Variants in ADAM10 observed in about 807,000 individuals in gnomAD.
ADAM10 encodes the protein ADAM metallopeptidase domain 10.
A neutral mutation model predicts 90.1 loss-of-function variants in ADAM10; 17 were observed. That is an observed-to-expected ratio of 0.19 (90% CI 0.13 to 0.28). The LOEUF is 0.28. Among genes scored for constraint, ADAM10 ranks in the 10% least tolerant of loss-of-function variants. The probability of loss-of-function intolerance (pLI) is 1.00; values close to 1 mark genes in which losing one functional copy is unlikely to be tolerated. For missense variants in ADAM10, 610 were observed against 914.3 expected, an observed-to-expected ratio of 0.67 and a Z score of 4.29; for synonymous variants, 310 against 298.6, an observed-to-expected ratio of 1.04 and a Z score of -0.40.
intron 9 of ADAM10, among the ~76,000 whole-genome samples, chr15:58,632,825 C>A (rs1241210569): frequency 6.6e-6 from 1 of 152,120 alleles, no homozygotes; most frequent in African/African-American, 2.4e-5. Context: ...AAAAGAATTT[C>A]TCACAATTTG....
intron 2 of ADAM10, among the ~76,000 whole-genome samples, chr15:58,700,142 T>C (rs1392387310): frequency 1.3e-5 from 2 of 152,176 alleles, no homozygotes; most frequent in African/African-American, 4.8e-5. Flanking sequence ...AATACCATAA[T>C]AGTTGGTAGA....
chr15:58,685,455 T>TC (rs1201737038), intron 2 of ADAM10, among the ~76,000 whole-genome samples: 1 of 147,668 alleles, frequency 6.8e-6, no homozygotes, highest in African/African-American at 2.5e-5. Context: ...AGAACAACAC[T>TC]CCATCTCCAA....
chr15:58,729,974 C>CAAAA (rs57057137), intron 1 of ADAM10, among the ~76,000 whole-genome samples: 2 of 134,916 alleles, frequency 1.5e-5, no homozygotes, highest in Admixed American at 1.5e-4. Flanking sequence ...AAAACAAAAA[C>CAAAA]AAAAACAAAA....
chr15:58,632,205 T>C (rs1025468078), intron 9 of ADAM10, among the ~76,000 whole-genome samples: 5 of 152,204 alleles, frequency 3.3e-5, no homozygotes, highest in Non-Finnish European at 7.4e-5. Flanking sequence ...TAAGGTCACT[T>C]AAAAGATCAA....
At chr15:58,742,696 G>C (rs1899654572) in intron 1 of ADAM10, among the ~76,000 whole-genome samples, 1 of 152,128 alleles carries the variant, frequency 6.6e-6, no homozygotes, top group Admixed American at 6.5e-5. Context: ...TTTTCCACTT[G>C]TCCTTAACAT....
chr15:58,631,130 G>A (rs1420051154), intron 9 of ADAM10, among the ~76,000 whole-genome samples: 4 of 152,102 alleles, frequency 2.6e-5, no homozygotes, highest in East Asian at 3.9e-4. Context: ...CATCATAAGT[G>A]GAAGCAGCCT....
chr15:58,695,343 A>G (rs1312301495), intron 2 of ADAM10, among the ~76,000 whole-genome samples: 1 of 152,214 alleles, frequency 6.6e-6, no homozygotes, highest in African/African-American at 2.4e-5. Context: ...TCCTGCCTCA[A>G]CTTTTGCTGC....
At chr15:58,647,246 G>GCATTTTTTTTTTTTTT (rs1896569038) in intron 5 of ADAM10, among the ~76,000 whole-genome samples, 2 of 36,828 alleles carry the variant, frequency 5.4e-5, no homozygotes, top group African/African-American at 7.4e-5. Flanking sequence ...TAGACACTAA[G>GCATTTTTTTTTTTTTT]TATTTTTTTT....
Position 58,749,578 on chromosome 15 carries a change from C to G in ADAM10, c.-44G>C. 2 of 1,549,410 alleles carry G rather than the reference C, an allele frequency of 1.3e-6. No homozygotes were observed. The highest frequency in any genetic ancestry group is 1.7e-6 in the Non-Finnish European group (2 of 1,145,902). On this transcript the variant is annotated 5_prime_UTR_variant, in exon 1 of 16. Transcript: ENST00000260408. The stretch of plus-strand genomic sequence containing the variant: ...CCGCCGCCGCCTCCTCACGGGTTAA[C>G]AGCAGCACATCGATCCGGAGGGAGA...
chr15:58,619,068 G>A (rs1314972402), intron 11 of ADAM10, among the ~76,000 whole-genome samples: 1 of 152,024 alleles, frequency 6.6e-6, no homozygotes. Context: ...GTATCACTAT[G>A]CACAATAGCC....
rs761399222 is a variant in ADAM10, at chr15:58,597,568, T to C, written c.2226A>G (p.Gln742=). 9.9e-6 allele frequency: 16 copies of C among 1,614,118 alleles called. No homozygotes were observed. The highest frequency in any genetic ancestry group is 1.3e-5 in the Non-Finnish European group (15 of 1,180,012). ...GCAGTTAGCGTCTCATGTGTCCCAT[T>C]TGATAACTCTCTCGGGGCCGCTGAC... The part of the protein sequence containing the change: ...PQRQRPRESY[Q]MGHMRR The change falls in exon 16 of 16, where the codon CAA becomes CAG. Residue 742 remains glutamine (Q), a synonymous_variant. Transcript: ENST00000260408.
chr15:58,647,248 A>ATATTTTTTTTTTTT (rs1896571611), intron 5 of ADAM10, among the ~76,000 whole-genome samples: 1 of 59,602 alleles, frequency 1.7e-5, no homozygotes, highest in Non-Finnish European at 3.6e-5. Context: ...GACACTAAGT[A>ATATTTTTTTTTTTT]TTTTTTTTTT....
chr15:58,691,637 T>C, intron 2 of ADAM10: 1 of 417,040 alleles, frequency 2.4e-6, no homozygotes, highest in South Asian at 1.8e-5. Context: ...CCTTGTCTTC[T>C]GCCAGCCCAG....
rs1371440654 is a variant in ADAM10 at position 58,597,213 on chromosome 15, G to A, written c.*334C>T. On this transcript the variant is annotated 3_prime_UTR_variant, in exon 16 of 16. Transcript: ENST00000260408. ...TTTCAATTTGTGGTAAAAGTTTATT[G>A]AGAGCCAAGTTTGCCTGCAAGTGAA... 3 of 675,824 alleles carry A rather than the reference G, an allele frequency of 4.4e-6. No individual in the cohort carries two copies. Among genetic ancestry groups the A allele is most frequent in the Non-Finnish European group, 7.3e-6 (3 of 413,158 alleles). 41.9% of individuals were successfully genotyped at this position (675,824 alleles called of 1,614,324 possible).
At chr15:58,657,719 G>C (rs562251402) in intron 5 of ADAM10, among the ~76,000 whole-genome samples, 2 of 152,126 alleles carry the variant, frequency 1.3e-5, no homozygotes, top group African/African-American at 2.4e-5. Flanking sequence ...TAGTTTCTTT[G>C]GTGAAGTCAT....
chr15:58,729,968 C>CA lies in ADAM10; in HGVS notation c.56-12242dup, dbSNP rs1359877841. Among the ~76,000 whole-genome samples, 92 of 134,040 alleles carry CA rather than the reference C, an allele frequency of 6.9e-4. 1 individual carries two copies. Among genetic ancestry groups the CA allele is most frequent in the Middle Eastern group, 3.6e-3 (1 of 278 alleles). 87.9% of individuals were successfully genotyped at this position (134,040 alleles called of 152,430 possible). ...CAGAACGAGGCTCTGTAAAAAAAAA[C>CA]AAAAACAAAAACAAAAACAAAACAA... On this transcript the variant is annotated intron_variant, in intron 1 of 15. Transcript: ENST00000260408.
chr15:58,725,027 C>T (rs1380448043), intron 1 of ADAM10, among the ~76,000 whole-genome samples: 1 of 151,716 alleles, frequency 6.6e-6, no homozygotes, highest in African/African-American at 2.4e-5. Flanking sequence ...CCTGTCTCTA[C>T]TAAATATAAA....
In ADAM10 at chr15:58,655,702, A is replaced by AC. The variant is rs1566982277; in HGVS notation, c.585+9394_585+9395insG. On this transcript the variant is annotated intron_variant, in intron 5 of 15. Coordinates refer to ENST00000260408, the MANE Select transcript of ADAM10 (RefSeq NM_001110.4). ...CATATATATATTATATATAGTATAT[A>AC]TATATATAGTATATATATATATATA... Among the ~76,000 whole-genome samples, 8 of 53,806 alleles carry AC rather than the reference A, an allele frequency of 1.5e-4. No homozygotes were observed. The South Asian group carries it at 1.9e-3, about 13-fold the overall frequency. The allele number at this position is 53,806 out of a possible 152,430, so 35.3% of individuals were successfully genotyped here.
intron 4 of ADAM10, 82 bp from the exon 5 acceptor site, chr15:58,665,279 A>C: frequency 2.8e-6 from 3 of 1,069,284 alleles, no homozygotes; most frequent in Non-Finnish European, 4.4e-6. Context: ...GTAAAAATTT[A>C]ACTGTCTTAA....
Sources: gnomAD v4.1 joint callset for allele counts (sites outside exome capture counted in the v4.1 genomes callset) on GRCh38, gnomAD v4.1.1 for gene constraint, MANE v1.5 for transcripts, NCBI Gene and HGNC (gene_info 2026-07-23, HGNC 2026-07-21) for gene names.